IL1RAP: variants seen among roughly 807,000 people sequenced by gnomAD.
IL1RAP encodes interleukin 1 receptor accessory protein, also known as interleukin-1 receptor accessory protein.
In IL1RAP, 35 loss-of-function variants were observed where a neutral mutation model predicts 60.7. The observed-to-expected ratio is 0.58, with a 90% confidence interval of 0.44 to 0.76. IL1RAP has a LOEUF of 0.76. Ranked by LOEUF, IL1RAP falls within the 30% of genes least tolerant of loss-of-function variation. The pLI, the probability that IL1RAP is intolerant of heterozygous loss-of-function variation, is 0.00. For synonymous variants in IL1RAP, 268 were observed against 250.9 expected (o/e 1.07, Z -0.64); for missense variants, 572 against 693.9 (o/e 0.82, Z 1.97).
chr3:190,628,796 A>G (rs1465932867), intron 8 of IL1RAP, among the ~76,000 whole-genome samples: 1 of 152,226 alleles, frequency 6.6e-6, no homozygotes, highest in Non-Finnish European at 1.5e-5. Flanking sequence ...TAACAGTAAT[A>G]CCTACATGAA....
At chr3:190,536,295 T>A (rs1475282469) in intron 1 of IL1RAP, among the ~76,000 whole-genome samples, 1 of 152,208 alleles carries the variant, frequency 6.6e-6, no homozygotes, top group African/African-American at 2.4e-5. Context: ...TTTTAATTTT[T>A]TTTTAAGTTG....
chr3:190,529,106 G>A (rs1394862020), intron 1 of IL1RAP, among the ~76,000 whole-genome samples: 1 of 152,198 alleles, frequency 6.6e-6, no homozygotes, highest in East Asian at 1.9e-4. Context: ...ACGTGGAAAA[G>A]GACAGATTGG....
chr3:190,604,441 T>G, intron 4 of IL1RAP, 28 bp downstream of exon 4: 2 of 1,600,538 alleles, frequency 1.2e-6, no homozygotes, highest in Non-Finnish European at 1.7e-6. Flanking sequence ...AGTGGCTTTC[T>G]CTTTTCCCTT....
intron 3 of IL1RAP, among the ~76,000 whole-genome samples, chr3:190,603,350 A>T (rs1176907688): frequency 6.6e-6 from 1 of 152,128 alleles, no homozygotes; most frequent in Non-Finnish European, 1.5e-5. Flanking sequence ...TTTTTATTTG[A>T]CTCTGTCATT....
intron 3 of IL1RAP, among the ~76,000 whole-genome samples, chr3:190,586,383 G>A (rs4687154): frequency 6.6e-6 from 1 of 152,088 alleles, no homozygotes; most frequent in Non-Finnish European, 1.5e-5. Flanking sequence ...CATGCCATAA[G>A]CCACAGTTCA....
Position 190,588,334 on chromosome 3 carries a change from G to A in IL1RAP, c.65-15794G>A, listed in dbSNP as rs1022567965. Among the ~76,000 whole-genome samples the A allele has an allele frequency of 2.0e-5, 3 of 152,330 alleles. No homozygotes were observed. In the South Asian group the frequency reaches 6.2e-4, roughly 32 times the overall value. ...TCACCATGTTGGCCAGGTTGGTCTT[G>A]ATCTCTTGACCTCGTGATCCGCCCG... On this transcript the variant is annotated intron_variant, in intron 3 of 11. Transcript: ENST00000447382.
Position 190,650,754 on chromosome 3 carries a change from AC to A in IL1RAP, c.*2050del. 1 of 983,060 alleles carries A rather than the reference AC, an allele frequency of 1.0e-6. No individual in the cohort carries two copies. The highest frequency in any genetic ancestry group is 1.2e-6 in the Non-Finnish European group (1 of 827,932). 60.9% of individuals were successfully genotyped at this position (983,060 alleles called of 1,614,324 possible). On this transcript the variant is annotated 3_prime_UTR_variant, in exon 12 of 12. Transcript: ENST00000447382. ...TTTTTCCCTATTAGAAACCACAATT[AC>A]TCCCTCTATTAACCCTTCACTTACT...
intron 5 of IL1RAP, among the ~76,000 whole-genome samples, chr3:190,609,737 CCCACGG>C (rs1730658457): frequency 6.6e-6 from 1 of 152,154 alleles, no homozygotes; most frequent in Admixed American, 6.6e-5. Flanking sequence ...AAGCCGAAAC[CCCACGG>C]CCAGAATTTG....
intron 3 of IL1RAP, among the ~76,000 whole-genome samples, chr3:190,574,483 G>C (rs746163011): frequency 9.9e-5 from 15 of 152,144 alleles, no homozygotes; most frequent in Non-Finnish European, 1.9e-4. Context: ...GGCTTCCCCT[G>C]TGGCTAACTC....
intron 3 of IL1RAP, among the ~76,000 whole-genome samples, chr3:190,593,869 A>G (rs1174539232): frequency 6.6e-6 from 1 of 152,180 alleles, no homozygotes; most frequent in Non-Finnish European, 1.5e-5. Context: ...GTGTTTGCAG[A>G]TATTTTTGGA....
At chr3:190,550,878 G>A (rs930520893) in intron 1 of IL1RAP, among the ~76,000 whole-genome samples, 7 of 152,190 alleles carry the variant, frequency 4.6e-5, no homozygotes, top group African/African-American at 1.4e-4. Flanking sequence ...AAGAAAAATC[G>A]TGGTAGGACT....
At chr3:190,572,864 T>TTTTTTG (rs1553840850) in intron 3 of IL1RAP, among the ~76,000 whole-genome samples, 11 of 44,756 alleles carry the variant, frequency 2.5e-4, no homozygotes, top group African/African-American at 9.7e-4. Flanking sequence ...GCTTTGTTTT[T>TTTTTTG]TTTTTTTTTT....
At chr3:190,573,497 G>A (rs1167970778) in intron 3 of IL1RAP, among the ~76,000 whole-genome samples, 8 of 152,194 alleles carry the variant, frequency 5.3e-5, no homozygotes, top group Admixed American at 5.2e-4. Context: ...AATCGGAAGT[G>A]TTGGAGGACT....
intron 1 of IL1RAP, among the ~76,000 whole-genome samples, chr3:190,537,469 A>G (rs890538222): frequency 1.5e-4 from 23 of 152,194 alleles, no homozygotes; most frequent in African/African-American, 2.7e-4. Context: ...TTGACAGTAA[A>G]TACGAATGAT....
chr3:190,565,589 C>T (rs996925985), intron 3 of IL1RAP, among the ~76,000 whole-genome samples: 1 of 152,110 alleles, frequency 6.6e-6, no homozygotes, highest in African/African-American at 2.4e-5. Flanking sequence ...CTAGCAGTAA[C>T]TTCTAGCCTT....
chr3:190,539,313 C>A (rs993551124), intron 1 of IL1RAP, among the ~76,000 whole-genome samples: 1 of 152,058 alleles, frequency 6.6e-6, no homozygotes, highest in Non-Finnish European at 1.5e-5. Context: ...GAATTTGGTG[C>A]CTCTGAACTT....
chr3:190,596,312 G>A (rs1729373794), intron 3 of IL1RAP, among the ~76,000 whole-genome samples: 1 of 151,678 alleles, frequency 6.6e-6, no homozygotes, highest in Non-Finnish European at 1.5e-5. Flanking sequence ...AATGTGTGAG[G>A]ATACATTTGG....
At chr3:190,578,805 A>G (rs1727722427) in intron 3 of IL1RAP, among the ~76,000 whole-genome samples, 1 of 152,238 alleles carries the variant, frequency 6.6e-6, no homozygotes. Context: ...CATGTCCTAC[A>G]TGGCAGCAGG....
At chr3:190,534,204 A>G (rs1186053052) in intron 1 of IL1RAP, among the ~76,000 whole-genome samples, 1 of 152,080 alleles carries the variant, frequency 6.6e-6, no homozygotes, top group East Asian at 1.9e-4. Context: ...CTAAGAATGG[A>G]CAGTATTTAA....
Sources: allele counts gnomAD v4.1 joint callset (sites outside exome capture counted in the v4.1 genomes callset), GRCh38; gene constraint gnomAD v4.1.1; transcripts MANE v1.5; gene names NCBI Gene and HGNC (gene_info 2026-07-23, HGNC 2026-07-21).